Variants in NIBAN1 observed in about 807,000 individuals in gnomAD.
NIBAN1 encodes protein Niban 1.
Under a neutral mutation model 75.1 loss-of-function variants are expected in NIBAN1, and 81 were observed. The ratio of observed to expected loss-of-function variants is 1.08; its 90% CI spans 0.90 to 1.30. The LOEUF is 1.30. NIBAN1 is among the 50% of genes most tolerant of loss of function. The probability of loss-of-function intolerance (pLI) is 0.00; values close to 1 mark genes in which losing one functional copy is unlikely to be tolerated. For synonymous variants in NIBAN1, 436 were observed against 424.8 expected, an observed-to-expected ratio of 1.03 and a Z score of -0.32; for missense variants, 1,133 against 1,128.1, an observed-to-expected ratio of 1.00 and a Z score of -0.06.
Position 184,818,832 on chromosome 1 carries a change from T to G in NIBAN1, c.986-7A>C, listed in dbSNP as rs775589057. The stretch of plus-strand genomic sequence containing the variant: ...GCCGGCTGGGCCACCATCGCTGAGG[T>G]AGGAAATAGCCAAAAAACCGTGACA... On this transcript the variant is annotated splice_polypyrimidine_tract_variant and splice_region_variant and intron_variant, in intron 8 of 13. Transcript: ENST00000367511. 1 of 1,578,674 alleles carries G rather than the reference T, an allele frequency of 6.3e-7. No individual in the cohort carries two copies.
At chr1:184,920,615 C>A (rs1348981538) in intron 1 of NIBAN1, among the ~76,000 whole-genome samples, 1 of 152,104 alleles carries the variant, frequency 6.6e-6, no homozygotes, top group Non-Finnish European at 1.5e-5. Context: ...CTTTTTTAAG[C>A]TTCCACATGA....
chr1:184,948,137 T>A (rs1658276131), intron 1 of NIBAN1, among the ~76,000 whole-genome samples: 1 of 152,170 alleles, frequency 6.6e-6, no homozygotes, highest in Non-Finnish European at 1.5e-5. Context: ...AAAAAATCCT[T>A]AGGAATAAGA....
At chr1:184,849,370 C>T (rs1655495697) in intron 5 of NIBAN1, among the ~76,000 whole-genome samples, 1 of 34,752 alleles carries the variant, frequency 2.9e-5, no homozygotes, top group Non-Finnish European at 4.8e-5. Flanking sequence ...GAGCCAAAGA[C>T]AAAAACCACA....
intron 1 of NIBAN1, among the ~76,000 whole-genome samples, chr1:184,931,731 C>A (rs1473931394): frequency 6.6e-6 from 1 of 152,168 alleles, no homozygotes; most frequent in Non-Finnish European, 1.5e-5. Flanking sequence ...CCAAGCCATA[C>A]AAGAAGGCAG....
chr1:184,839,816 C>T (rs543944926), intron 5 of NIBAN1, among the ~76,000 whole-genome samples: 4 of 152,168 alleles, frequency 2.6e-5, no homozygotes, highest in South Asian at 2.1e-4. Flanking sequence ...AGGCTGGTCT[C>T]GAACTCCTGA....
At chr1:184,932,197 G>A (rs1471386279) in intron 1 of NIBAN1, among the ~76,000 whole-genome samples, 1 of 152,084 alleles carries the variant, frequency 6.6e-6, no homozygotes, top group Non-Finnish European at 1.5e-5. Flanking sequence ...GGTGGCAGAT[G>A]GTTTTGGGAT....
chr1:184,824,809 T>C (rs565630856), intron 6 of NIBAN1, among the ~76,000 whole-genome samples: 96 of 152,352 alleles, frequency 6.3e-4, no homozygotes, highest in African/African-American at 2.2e-3. Flanking sequence ...ATGTCACTAA[T>C]AGAATGTCTC....
rs539172229 is a variant in NIBAN1, at chr1:184,955,307, TTTTCCTTTCC to T, written c.55+18985_55+18994del. ...TAAAAGGCTTCAATCTTTTCTTTTCTTTTCCTTTCCTTTCCTTTCCTTTCCTTTCCTTTCC... is the reference window on the plus strand; with the variant it reads ...TAAAAGGCTTCAATCTTTTCTTTTCTTTTCCTTTCCTTTCCTTTCCTTTCC... On this transcript the variant is annotated intron_variant, in intron 1 of 13. Coordinates refer to ENST00000367511, the MANE Select transcript of NIBAN1 (RefSeq NM_052966.4). Among the ~76,000 whole-genome samples the T allele has an allele frequency of 3.7e-3, 348 of 94,554 alleles. 1 individual carries two copies. The highest frequency in any genetic ancestry group is 0.012 in the African/African-American group (317 of 25,990). 62.0% of individuals were successfully genotyped at this position (94,554 alleles called of 152,430 possible).
Position 184,854,188 on chromosome 1 carries a change from C to T in NIBAN1, c.602-22226G>A, listed in dbSNP as rs115681541. Reference sequence around the variant, plus strand: ...GATTATTAACCACATGGGGCTATGGCTGCCATATTGGACAGCACACTCTAG... The same window carrying T: ...GATTATTAACCACATGGGGCTATGGTTGCCATATTGGACAGCACACTCTAG... On this transcript the variant is annotated intron_variant, in intron 5 of 13. Transcript: ENST00000367511. Among the ~76,000 whole-genome samples the T allele has an allele frequency of 3.4e-3, 511 of 152,238 alleles. 4 individuals carry two copies. Among genetic ancestry groups the T allele is most frequent in the African/African-American group, 0.012 (495 of 41,522 alleles).
rs668925 is a variant in NIBAN1, at chr1:184,874,755, C to T, written c.601+9878G>A. On this transcript the variant is annotated intron_variant, in intron 5 of 13. Coordinates refer to ENST00000367511, the MANE Select transcript of NIBAN1 (RefSeq NM_052966.4). The stretch of plus-strand genomic sequence containing the variant: ...TCAATAACTGAAAAATTTAGCATAG[C>T]AAAAAATCCACAGAGGAGGTCTACA... Among the ~76,000 whole-genome samples, 1,423 of 151,278 alleles carry T rather than the reference C, an allele frequency of 9.4e-3. 18 individuals carry two copies. The highest frequency in any genetic ancestry group is 0.033 in the African/African-American group (1,354 of 41,242).
chr1:184,806,493 G>T (rs569394866), intron 10 of NIBAN1, among the ~76,000 whole-genome samples: 3 of 152,288 alleles, frequency 2.0e-5, no homozygotes, highest in Non-Finnish European at 4.4e-5. Context: ...GGGGACAGTG[G>T]CTGACATGTT....
rs1053402600 is a variant in NIBAN1, at chr1:184,791,959, C to G, written c.*3018G>C. The G allele has an allele frequency of 2.7e-5, 4 of 145,940 alleles. No individual in the cohort carries two copies. The East Asian group carries it at 6.0e-4, about 22-fold the overall frequency. The allele number at this position is 145,940 out of a possible 1,614,324, so 9.0% of individuals were successfully genotyped here. On this transcript the variant is annotated 3_prime_UTR_variant, in exon 14 of 14. Transcript: ENST00000367511. ...CAATCATCCTGCTTATTCTAGAAAACTTTTTTTTTTTTTTTGAGACAGGGT... is the reference window on the plus strand; with the variant it reads ...CAATCATCCTGCTTATTCTAGAAAAGTTTTTTTTTTTTTTTGAGACAGGGT...
intron 1 of NIBAN1, among the ~76,000 whole-genome samples, chr1:184,920,576 T>C (rs1043291439): frequency 3.3e-5 from 5 of 152,188 alleles, no homozygotes; most frequent in Non-Finnish European, 7.3e-5. Flanking sequence ...TAGTAACCAC[T>C]ACTCTACTCT....
At chr1:184,810,055 G>A (rs995775978) in intron 9 of NIBAN1, among the ~76,000 whole-genome samples, 8 of 152,056 alleles carry the variant, frequency 5.3e-5, no homozygotes, top group South Asian at 2.1e-4. Context: ...AAGGGGAAGA[G>A]TGAAGACAAG....
At chr1:184,811,529 C>T (rs200382143) in intron 9 of NIBAN1, among the ~76,000 whole-genome samples, 8 of 8,292 alleles carry the variant, frequency 9.6e-4, no homozygotes, top group East Asian at 9.0e-3. Flanking sequence ...TTTTTTGAGA[C>T]GGAGTCTCAC....
At chr1:184,864,543 G>C (rs1229319262) in intron 5 of NIBAN1, among the ~76,000 whole-genome samples, 2 of 152,110 alleles carry the variant, frequency 1.3e-5, no homozygotes, top group African/African-American at 2.4e-5. Flanking sequence ...AGAGTCTGCA[G>C]AGGTGAAGAA....
intron 1 of NIBAN1, among the ~76,000 whole-genome samples, chr1:184,902,844 G>C (rs781358308): frequency 3.9e-5 from 6 of 152,176 alleles, no homozygotes; most frequent in African/African-American, 9.7e-5. Flanking sequence ...GCAAAATGAG[G>C]ATAATAAGAT....
At chr1:184,944,257 G>C (rs1002179440) in intron 1 of NIBAN1, among the ~76,000 whole-genome samples, 5 of 152,166 alleles carry the variant, frequency 3.3e-5, no homozygotes, top group Admixed American at 6.5e-5. Flanking sequence ...ACTAGTTCTA[G>C]ATTATAATAG....
chr1:184,796,245 C>T (rs1653862173), intron 13 of NIBAN1, 148 bp from the exon 14 acceptor site: 7 of 715,998 alleles, frequency 9.8e-6, no homozygotes, highest in Non-Finnish European at 1.5e-5. Flanking sequence ...AGTCTATAAA[C>T]TCTTTCCAAA....
Sources: allele counts gnomAD v4.1 joint callset (sites outside exome capture counted in the v4.1 genomes callset), GRCh38; gene constraint gnomAD v4.1.1; transcripts MANE v1.5; gene names NCBI Gene and HGNC (gene_info 2026-07-23, HGNC 2026-07-21).